Variants in ABLIM1 observed in about 807,000 individuals in gnomAD.
The protein encoded by ABLIM1 is actin binding LIM protein 1.
A neutral mutation model predicts 107.0 loss-of-function variants in ABLIM1; 40 were observed. The observed-to-expected ratio is 0.37, with a 90% CI of 0.29 to 0.49. The LOEUF (loss-of-function observed/expected upper bound fraction) is 0.49, where lower values mean the gene tolerates loss of function less well. ABLIM1 is among the 20% of genes least tolerant of loss of function. The probability of loss-of-function intolerance (pLI) is 0.97; values close to 1 mark genes in which losing one functional copy is unlikely to be tolerated. For missense variants in ABLIM1, 857 were observed against 1,008.5 expected (o/e 0.85, Z 2.04); for synonymous variants, 357 against 357.3 (o/e 1.00, Z 0.01).
chr10:114,639,306 G>T (rs1193898876), intron 1 of ABLIM1, among the ~76,000 whole-genome samples: 1 of 152,138 alleles, frequency 6.6e-6, no homozygotes, highest in East Asian at 1.9e-4. Flanking sequence ...CCTGGTTTGT[G>T]GAAATCTATA....
chr10:114,578,785 CTT>C (rs35420465), intron 2 of ABLIM1, among the ~76,000 whole-genome samples: 3 of 111,710 alleles, frequency 2.7e-5, no homozygotes, highest in Admixed American at 1.1e-4. Flanking sequence ...TCTTTCTTTT[CTT>C]TTTTTTTTTT....
intron 2 of ABLIM1, among the ~76,000 whole-genome samples, chr10:114,582,064 AGTC>A: frequency 6.6e-6 from 1 of 152,320 alleles, no homozygotes; most frequent in South Asian, 2.1e-4. Flanking sequence ...TAGGAAAAAA[AGTC>A]GTCAAACGGT....
At chr10:114,470,872 G>T (rs1165363730) in intron 10 of ABLIM1, among the ~76,000 whole-genome samples, 2 of 151,794 alleles carry the variant, frequency 1.3e-5, no homozygotes, top group African/African-American at 4.9e-5. Context: ...TGTGGTGGTG[G>T]TTTTTGTTTT....
intron 1 of ABLIM1, among the ~76,000 whole-genome samples, chr10:114,639,852 CAG>C (rs1239670988): frequency 6.6e-6 from 1 of 152,160 alleles, no homozygotes; most frequent in Non-Finnish European, 1.5e-5. Context: ...CCCGTGCACA[CAG>C]AGTGTTTGCA....
intron 1 of ABLIM1, among the ~76,000 whole-genome samples, chr10:114,740,271 T>C (rs1241148295): frequency 2.0e-5 from 3 of 152,158 alleles, no homozygotes; most frequent in Admixed American, 2.0e-4. Flanking sequence ...CTTTAAAGAA[T>C]AGGCATTTTA....
chr10:114,488,383 A>T (rs1253236161), intron 7 of ABLIM1, among the ~76,000 whole-genome samples: 7 of 152,238 alleles, frequency 4.6e-5, no homozygotes, highest in African/African-American at 1.7e-4. Context: ...TAATTTAAAA[A>T]ATAATAGCTA....
At chr10:114,736,310 T>A (rs1394182222) in intron 1 of ABLIM1, among the ~76,000 whole-genome samples, 1 of 152,172 alleles carries the variant, frequency 6.6e-6, no homozygotes, top group Non-Finnish European at 1.5e-5. Flanking sequence ...TGTAATAAAA[T>A]GGGCCATAGT....
intron 1 of ABLIM1, chr10:114,631,879 C>T (rs560939990): frequency 3.8e-6 from 5 of 1,303,862 alleles, no homozygotes; most frequent in Non-Finnish European, 5.1e-6. Context: ...CAACCATGCA[C>T]AGTGATCGAT....
At chr10:114,540,741 G>T (rs895966752) in intron 6 of ABLIM1, among the ~76,000 whole-genome samples, 1 of 152,156 alleles carries the variant, frequency 6.6e-6, no homozygotes, top group African/African-American at 2.4e-5. Flanking sequence ...CACACCTAGA[G>T]AGGCCTTAGG....
At chr10:114,699,688 G>C (rs2081269179) in intron 1 of ABLIM1, among the ~76,000 whole-genome samples, 1 of 152,082 alleles carries the variant, frequency 6.6e-6, no homozygotes, top group African/African-American at 2.4e-5. Flanking sequence ...CTCTGGAAGT[G>C]AACATTAAAA....
rs1032444315 is a variant in ABLIM1 at position 114,439,244 on chromosome 10, G to A, written c.2074C>T (p.Pro692Ser). 13 of 1,614,116 alleles carry A rather than the reference G, an allele frequency of 8.1e-6. No individual in the cohort carries two copies. Among genetic ancestry groups the A allele is most frequent in the African/African-American group, 4.0e-5 (3 of 74,948 alleles). Residue 692 changes from proline (P) to serine (S), a missense_variant, in exon 21 of 23, where the codon CCA becomes TCA. Physicochemically the swap from Pro to Ser is moderately conservative, Grantham distance 74 (BLOSUM62 -1). Around this residue, in one of 5 missense-constraint regions of ABLIM1, gnomAD observed 193 missense variants for 208.5 expected, o/e 0.93. Coordinates refer to ENST00000533213, the MANE Select transcript of ABLIM1 (RefSeq NM_002313.7). ...CTCATTGCAGGCATGTGGCCATCTGGGAGTGTCTGCAACAGAAATGCCAGT... is the reference window on the plus strand; with the variant it reads ...CTCATTGCAGGCATGTGGCCATCTGAGAGTGTCTGCAACAGAAATGCCAGT... ...SGGVRDYQTL[P>S]DGHMPAMRMD...
intron 1 of ABLIM1, among the ~76,000 whole-genome samples, chr10:114,604,976 A>G (rs937422467): frequency 2.0e-5 from 3 of 152,220 alleles, no homozygotes; most frequent in Non-Finnish European, 1.5e-5. Flanking sequence ...ATTTTGCATA[A>G]GTTTCCCTTT....
chr10:114,769,549 A>G (rs377654285), upstream of ABLIM1, among the ~76,000 whole-genome samples: 32 of 129,224 alleles, frequency 2.5e-4, 1 homozygote, highest in East Asian at 2.0e-3. Flanking sequence ...AGGAAGGAAG[A>G]AAGAAAGAGA....
chr10:114,580,211 A>AT lies in ABLIM1; in HGVS notation c.380-4613dup, dbSNP rs1181423212. Among the ~76,000 whole-genome samples the AT allele has an allele frequency of 3.1e-4, 44 of 140,972 alleles. 1 individual carries two copies. The East Asian group carries it at 8.5e-3, about 27-fold the overall frequency. 92.5% of individuals were successfully genotyped at this position (140,972 alleles called of 152,430 possible). On this transcript the variant is annotated intron_variant, in intron 2 of 22. Transcript: ENST00000533213. ...TAATATTATATATTATATATTATAT[A>AT]TATATATATTTTTTAGACAAGGTCT...
At chr10:114,538,148 T>G (rs2066236190) in intron 6 of ABLIM1, among the ~76,000 whole-genome samples, 1 of 152,182 alleles carries the variant, frequency 6.6e-6, no homozygotes, top group Non-Finnish European at 1.5e-5. Flanking sequence ...ATAATGTGAA[T>G]TCACCTCAGA....
chr10:114,766,218 C>T (rs2082889469), intron 1 of ABLIM1, among the ~76,000 whole-genome samples: 1 of 152,138 alleles, frequency 6.6e-6, no homozygotes, highest in Admixed American at 6.5e-5. Context: ...TAATGTAACA[C>T]ATGTAAAGTA....
At chr10:114,744,055 G>A (rs1668634044) in intron 1 of ABLIM1, among the ~76,000 whole-genome samples, 1 of 152,190 alleles carries the variant, frequency 6.6e-6, no homozygotes, top group Non-Finnish European at 1.5e-5. Flanking sequence ...ACCATGAGAT[G>A]TGGCGTGGGC....
At chr10:114,476,658 T>TAATAATAATAATA (rs1480802099) in intron 8 of ABLIM1, among the ~76,000 whole-genome samples, 1 of 148,862 alleles carries the variant, frequency 6.7e-6, no homozygotes, top group Non-Finnish European at 1.5e-5. Context: ...ATAATAATAA[T>TAATAATAATAATA]AATAATAATA....
chr10:114,577,036 C>T (rs191936938), intron 2 of ABLIM1, among the ~76,000 whole-genome samples: 5 of 152,244 alleles, frequency 3.3e-5, no homozygotes, highest in Admixed American at 3.3e-4. Flanking sequence ...TGTGGATTGG[C>T]CTCATTCTGA....
Sources: allele counts gnomAD v4.1 joint callset (sites outside exome capture counted in the v4.1 genomes callset), GRCh38; gene constraint gnomAD v4.1.1; regional missense constraint gnomAD v4.1.1; transcripts MANE v1.5; gene names NCBI Gene and HGNC (gene_info 2026-07-23, HGNC 2026-07-21).